The following SOX6 variants were observed in gnomAD, a reference collection of about 807,000 sequenced individuals.
The protein encoded by SOX6 is SRY-box transcription factor 6.
SOX6 carries 11 observed loss-of-function variants against 97.8 expected under a neutral mutation model. That is an observed-to-expected ratio of 0.11 (90% CI 0.07 to 0.19). SOX6 has a LOEUF of 0.19. Among genes scored for constraint, SOX6 ranks in the 10% least tolerant of loss-of-function variants. The probability of loss-of-function intolerance (pLI) is 1.00; values close to 1 mark genes in which losing one functional copy is unlikely to be tolerated. For synonymous variants in SOX6, 360 were observed against 371.4 expected (o/e 0.97, Z 0.35); for missense variants, 810 against 1,039.5 (o/e 0.78, Z 3.04).
At chr11:16,492,178 G>A (rs927141328) in intron 4 of SOX6, among the ~76,000 whole-genome samples, 23 of 152,088 alleles carry the variant, frequency 1.5e-4, no homozygotes, top group Admixed American at 3.9e-4. Context: ...ACTTCTGTTC[G>A]TCAAAAGACA....
chr11:16,649,314 T>C (rs1388082451), intron 3 of SOX6, among the ~76,000 whole-genome samples: 1 of 152,134 alleles, frequency 6.6e-6, no homozygotes, highest in Admixed American at 6.6e-5. Context: ...TAGGCATATA[T>C]TCATCAGACT....
Position 16,433,916 on chromosome 11 carries a change from T to C in SOX6, c.-5+42399A>G, listed in dbSNP as rs756456897. On this transcript the variant is annotated intron_variant, in intron 1 of 15. Transcript: ENST00000396356. ...ACTAAAATTTAACAGCTCTCAATCA[T>C]CTACAAGGTAGTTCAAACTCCTTAA... 4.9e-4 allele frequency among the ~76,000 whole-genome samples: 75 copies of C among 152,110 alleles called. 1 individual carries two copies. The highest frequency in any genetic ancestry group is 5.9e-4 in the Non-Finnish European group (40 of 67,988).
At chr11:15,981,658 T>C (rs956872811) in intron 15 of SOX6, among the ~76,000 whole-genome samples, 3 of 152,108 alleles carry the variant, frequency 2.0e-5, no homozygotes, top group African/African-American at 7.2e-5. Flanking sequence ...TAAAAAAGCA[T>C]GGCTAATCTA....
intron 4 of SOX6, chr11:16,567,446 G>A (rs1456305956): frequency 6.6e-6 from 1 of 152,094 alleles, no homozygotes; most frequent in African/African-American, 2.4e-5. Flanking sequence ...AGACTGCCAC[G>A]GTTGGTGGCC....
intron 1 of SOX6, among the ~76,000 whole-genome samples, chr11:16,408,213 A>G (rs1024680182): frequency 1.3e-5 from 2 of 152,196 alleles, no homozygotes; most frequent in Non-Finnish European, 2.9e-5. Flanking sequence ...CACTAAGTCC[A>G]TGTTCAGAGA....
At chr11:16,020,441 C>G (rs1855020418) in intron 12 of SOX6, among the ~76,000 whole-genome samples, 1 of 152,078 alleles carries the variant, frequency 6.6e-6, no homozygotes, top group Non-Finnish European at 1.5e-5. Context: ...CGTGGCTTCC[C>G]ATGTCTACTG....
At chr11:16,339,473 C>A (rs1489256199) in intron 2 of SOX6, among the ~76,000 whole-genome samples, 1 of 152,044 alleles carries the variant, frequency 6.6e-6, no homozygotes, top group African/African-American at 2.4e-5. Context: ...TTGTTCCACT[C>A]TACCTGGTTA....
At chr11:16,726,799 A>G (rs1564878657) in intron 2 of SOX6, among the ~76,000 whole-genome samples, 2 of 152,244 alleles carry the variant, frequency 1.3e-5, no homozygotes, top group Non-Finnish European at 2.9e-5. Context: ...CAAAGTATTA[A>G]GACCAAAATG....
chr11:16,703,964 T>C (rs1297884758), intron 3 of SOX6, among the ~76,000 whole-genome samples: 2 of 152,186 alleles, frequency 1.3e-5, no homozygotes, highest in Admixed American at 1.3e-4. Flanking sequence ...AACAGCTCTT[T>C]TGTCAAATCA....
At chr11:16,115,966 T>C (rs1359433644) in intron 6 of SOX6, among the ~76,000 whole-genome samples, 1 of 152,220 alleles carries the variant, frequency 6.6e-6, no homozygotes, top group Non-Finnish European at 1.5e-5. Context: ...GTGTAGTTTG[T>C]TACAATACAT....
At chr11:16,252,331 A>G (rs1352329798) in intron 3 of SOX6, 1 of 152,276 alleles carries the variant, frequency 6.6e-6, no homozygotes, top group African/African-American at 2.4e-5. Context: ...TGCCCCTCAG[A>G]TTCCAGAGAA....
rs142101782 is a variant in SOX6 at position 16,611,552 on chromosome 11, A to C, written n.609+529T>G. 5.6e-4 allele frequency among the ~76,000 whole-genome samples: 85 copies of C among 152,312 alleles called. 1 individual carries two copies. The Middle Eastern group carries it at 0.024, about 43-fold the overall frequency. On this transcript the variant is annotated intron_variant and non_coding_transcript_variant, in intron 4 of 5. Coordinates refer to the SOX6 transcript ENST00000524520. ...GAAGTTTTAGCAATTGGTTTCCTTA[A>C]ACGGGATAACAAATAAACCAACACT...
rs543298765 is a variant in SOX6 at position 16,543,631 on chromosome 11, AG to A, written n.610-67244del. 3.3e-3 allele frequency among the ~76,000 whole-genome samples: 502 copies of A among 152,312 alleles called. 1 individual carries two copies. Among genetic ancestry groups the A allele is most frequent in the Non-Finnish European group, 5.5e-3 (377 of 68,028 alleles). On this transcript the variant is annotated intron_variant and non_coding_transcript_variant, in intron 4 of 5. Transcript: ENST00000524520. Reference sequence around the variant, plus strand: ...ACAAGCCAATTTTTAAATGAGCAAAAGGCTGAACTAGTCATTTCCCAAAGAA... The same window carrying A: ...ACAAGCCAATTTTTAAATGAGCAAAAGCTGAACTAGTCATTTCCCAAAGAA...
intron 6 of SOX6, among the ~76,000 whole-genome samples, chr11:16,133,541 A>G (rs772999197): frequency 9.2e-5 from 14 of 152,226 alleles, no homozygotes; most frequent in Non-Finnish European, 1.9e-4. Context: ...GGAGGGTAAC[A>G]GGAAAGGTTC....
intron 1 of SOX6, among the ~76,000 whole-genome samples, chr11:16,403,836 CT>C (rs1858621719): frequency 6.6e-6 from 1 of 151,130 alleles, no homozygotes; most frequent in Non-Finnish European, 1.5e-5. Context: ...TTTTGAACTT[CT>C]TTGGTTAAAA....
intron 3 of SOX6, among the ~76,000 whole-genome samples, chr11:16,619,402 G>A (rs1014811258): frequency 4.6e-5 from 7 of 151,416 alleles, no homozygotes; most frequent in African/African-American, 7.3e-5. Context: ...TTCTTCATGA[G>A]GCATTAATCT....
Position 16,183,958 on chromosome 11 carries a change from T to C in SOX6, c.709-4A>G. 1 of 1,611,860 alleles carries C rather than the reference T, an allele frequency of 6.2e-7. No homozygotes were observed. The highest frequency in any genetic ancestry group is 8.5e-7 in the Non-Finnish European group (1 of 1,178,454). ...GTTGCTGCTGTTGTCTCGCAATCTA[T>C]CAGAAATAAAGTTTCATTAAGTTAA... On this transcript the variant is annotated splice_polypyrimidine_tract_variant and splice_region_variant and intron_variant, in intron 5 of 15. Coordinates refer to ENST00000683767, the MANE Select transcript of SOX6 (RefSeq NM_001367873.1).
At chr11:16,419,392 C>A (rs1217270554) in intron 1 of SOX6, among the ~76,000 whole-genome samples, 2 of 151,902 alleles carry the variant, frequency 1.3e-5, no homozygotes, top group Non-Finnish European at 2.9e-5. Flanking sequence ...GTAAAAAAAT[C>A]ATATTTCTTT....
chr11:16,170,966 C>A (rs1442274319), intron 6 of SOX6, among the ~76,000 whole-genome samples: 2 of 151,938 alleles, frequency 1.3e-5, no homozygotes, highest in East Asian at 1.9e-4. Context: ...CAGTTTAGAC[C>A]TACCCTTATC....
Sources: gnomAD v4.1 joint callset for allele counts (sites outside exome capture counted in the v4.1 genomes callset) on GRCh38, gnomAD v4.1.1 for gene constraint, MANE v1.5 for transcripts, NCBI Gene and HGNC (gene_info 2026-07-23, HGNC 2026-07-21) for gene names.